The following RABGAP1L variants were observed in gnomAD, a reference collection of about 807,000 sequenced individuals.
RABGAP1L encodes the protein rab GTPase-activating protein 1-like.
In RABGAP1L, 63 loss-of-function variants were observed where a neutral mutation model predicts 137.7. The observed-to-expected ratio is 0.46, with a 90% confidence interval of 0.37 to 0.56. The LOEUF (loss-of-function observed/expected upper bound fraction) is 0.56, where lower values mean the gene tolerates loss of function less well. Among genes scored for constraint, RABGAP1L ranks in the 20% least tolerant of loss-of-function variants. The pLI is 0.00. For synonymous variants in RABGAP1L, 431 were observed against 433.7 expected (o/e 0.99, Z 0.08); for missense variants, 1,095 against 1,244.0 (o/e 0.88, Z 1.80).
At position 174,231,262 on chromosome 1, in the gene RABGAP1L, A is replaced by G. The variant is rs771196194; in HGVS notation, c.449A>G (p.Glu150Gly). The G allele has an allele frequency of 1.2e-6, 2 of 1,614,116 alleles. No homozygotes were observed. The highest frequency in any genetic ancestry group is 1.7e-6 in the Non-Finnish European group (2 of 1,179,978). The change falls in exon 4 of 26, where the codon GAG becomes GGG. Residue 150 changes from glutamate to glycine, a missense_variant. This residue lies in a region of RABGAP1L where 356 missense variants were observed against 326.3 expected (regional missense o/e 1.09). Coordinates refer to ENST00000681986, the MANE Select transcript of RABGAP1L (RefSeq NM_001366446.1). ...MKVSSPRNEVEALRAMATMKS... is the reference protein window; with the variant it reads ...MKVSSPRNEVGALRAMATMKS... ...GTTTCTTCCCCACGTAATGAAGTAGAGGCTTTACGGGCAATGGCAACCATG... is the reference window on the plus strand; with the variant it reads ...GTTTCTTCCCCACGTAATGAAGTAGGGGCTTTACGGGCAATGGCAACCATG...
At chr1:174,966,696 C>T (rs1422949177) in intron 20 of RABGAP1L, among the ~76,000 whole-genome samples, 1 of 152,154 alleles carries the variant, frequency 6.6e-6, no homozygotes, top group African/African-American at 2.4e-5. Context: ...GGGGAACAGA[C>T]AGAATCTGAT....
chr1:174,769,457 T>TTG (rs1685940747), intron 18 of RABGAP1L, among the ~76,000 whole-genome samples: 1 of 152,190 alleles, frequency 6.6e-6, no homozygotes, highest in African/African-American at 2.4e-5. Context: ...GTTGCATATC[T>TTG]TGTGACCTCC....
Position 174,930,330 on chromosome 1 carries a change from C to CTT in RABGAP1L, c.2341-27114_2341-27113dup, listed in dbSNP as rs893570655. Among the ~76,000 whole-genome samples the CTT allele has an allele frequency of 1.3e-4, 18 of 139,494 alleles. No homozygotes were observed. The East Asian group carries it at 1.5e-3, about 11-fold the overall frequency. 91.5% of individuals were successfully genotyped at this position (139,494 alleles called of 152,430 possible). Reference sequence around the variant, plus strand: ...ATACCACCACACCTAGATCAAACTTCTTTTTTTTTTTTTTGAGACAGGATC... The same window carrying CTT: ...ATACCACCACACCTAGATCAAACTTCTTTTTTTTTTTTTTTTGAGACAGGATC... On this transcript the variant is annotated intron_variant, in intron 19 of 25. Coordinates refer to ENST00000681986, the MANE Select transcript of RABGAP1L (RefSeq NM_001366446.1).
intron 19 of RABGAP1L, among the ~76,000 whole-genome samples, chr1:174,865,321 A>G (rs779109523): frequency 1.4e-4 from 22 of 152,166 alleles, no homozygotes; most frequent in Admixed American, 3.9e-4. Context: ...AGCGTGGGTG[A>G]CAGAACAAGA....
At chr1:174,729,639 C>T (rs1357744673) in intron 17 of RABGAP1L, among the ~76,000 whole-genome samples, 1 of 151,870 alleles carries the variant, frequency 6.6e-6, no homozygotes, top group Non-Finnish European at 1.5e-5. Context: ...AACAAATAAC[C>T]CCATTTAAAA....
intron 19 of RABGAP1L, among the ~76,000 whole-genome samples, chr1:174,933,568 C>G (rs1364097687): frequency 6.6e-6 from 1 of 152,128 alleles, no homozygotes; most frequent in Non-Finnish European, 1.5e-5. Flanking sequence ...TCTCTAGACT[C>G]AGAACATCAG....
intron 19 of RABGAP1L, among the ~76,000 whole-genome samples, chr1:174,898,913 T>C (rs1309016512): frequency 6.6e-6 from 1 of 152,212 alleles, no homozygotes; most frequent in Non-Finnish European, 1.5e-5. Flanking sequence ...AAGATTGATA[T>C]TAAACACATA....
At chr1:174,567,302 T>A (rs1483568867) in intron 13 of RABGAP1L, among the ~76,000 whole-genome samples, 1 of 152,192 alleles carries the variant, frequency 6.6e-6, no homozygotes, top group African/African-American at 2.4e-5. Context: ...CTTATTTCAC[T>A]AAGCATAATG....
Position 174,394,000 on chromosome 1 carries a change from G to C in RABGAP1L, c.1565G>C (p.Ser522Thr), listed in dbSNP as rs766964292. 1.9e-6 allele frequency: 3 copies of C among 1,612,406 alleles called. No homozygotes were observed. Among genetic ancestry groups the C allele is most frequent in the Non-Finnish European group, 2.5e-6 (3 of 1,179,390 alleles). ...TTATTTTCTTGTCTTCTCAGGCACA[G>C]TAACCTTGGTGCACGACCGAAAGGG... The part of the protein sequence containing the change: ...SWGELLGKWH[S>T]NLGARPKGLS... The change falls in exon 13 of 26, where the codon AGT becomes ACT. Residue 522 changes from serine to threonine, a missense_variant. By Grantham distance (58) the Ser-to-Thr change is moderately conservative. This residue lies in a region of RABGAP1L where 315 missense variants were observed against 324.8 expected (regional missense o/e 0.97). Coordinates refer to ENST00000681986, the MANE Select transcript of RABGAP1L (RefSeq NM_001366446.1).
chr1:174,215,613 A>G (rs1027193690), intron 1 of RABGAP1L, among the ~76,000 whole-genome samples: 3 of 152,244 alleles, frequency 2.0e-5, no homozygotes, highest in Non-Finnish European at 2.9e-5. Flanking sequence ...AATCAAAACT[A>G]CAATGAGATA....
At chr1:174,357,353 C>T (rs910066351) in intron 11 of RABGAP1L, among the ~76,000 whole-genome samples, 4 of 152,106 alleles carry the variant, frequency 2.6e-5, no homozygotes, top group Non-Finnish European at 4.4e-5. Flanking sequence ...GTCTTTGTCT[C>T]TCTATTGTTT....
chr1:174,326,456 C>T (rs1258151587), intron 11 of RABGAP1L, among the ~76,000 whole-genome samples: 1 of 151,974 alleles, frequency 6.6e-6, no homozygotes, highest in Non-Finnish European at 1.5e-5. Flanking sequence ...ATTCATCAAG[C>T]AGACGAAAAA....
At chr1:174,254,864 T>A (rs1490197640) in intron 7 of RABGAP1L, among the ~76,000 whole-genome samples, 1 of 152,178 alleles carries the variant, frequency 6.6e-6, no homozygotes, top group Non-Finnish European at 1.5e-5. Flanking sequence ...GTAATGGGAT[T>A]GCTGGGTCAA....
intron 13 of RABGAP1L, chr1:174,548,227 G>C: frequency 1.4e-6 from 2 of 1,415,300 alleles, no homozygotes; most frequent in East Asian, 5.0e-5. Flanking sequence ...ATAATCTACA[G>C]AATTGAAGCC....
At chr1:174,352,679 A>C (rs1301063380) in intron 11 of RABGAP1L, among the ~76,000 whole-genome samples, 1 of 152,256 alleles carries the variant, frequency 6.6e-6, no homozygotes, top group African/African-American at 2.4e-5. Context: ...TATTTATTGT[A>C]GTCTTCAAGT....
At chr1:174,575,089 C>G (rs1215485300) in intron 13 of RABGAP1L, among the ~76,000 whole-genome samples, 1 of 152,162 alleles carries the variant, frequency 6.6e-6, no homozygotes, top group Non-Finnish European at 1.5e-5. Flanking sequence ...CGCCACCACA[C>G]CTGGCTAATT....
At chr1:174,342,504 C>G (rs1238987065) in intron 11 of RABGAP1L, among the ~76,000 whole-genome samples, 1 of 152,082 alleles carries the variant, frequency 6.6e-6, no homozygotes, top group African/African-American at 2.4e-5. Context: ...ATTAACAAAA[C>G]TGTAAAAATC....
intron 1 of RABGAP1L, among the ~76,000 whole-genome samples, chr1:174,167,658 C>G (rs551962250): frequency 3.3e-5 from 5 of 152,238 alleles, no homozygotes; most frequent in Admixed American, 2.6e-4. Context: ...CCCACACATA[C>G]ACCCGTTTAC....
At chr1:174,681,709 TTA>T (rs1678078262) in intron 14 of RABGAP1L, among the ~76,000 whole-genome samples, 1 of 151,884 alleles carries the variant, frequency 6.6e-6, no homozygotes, top group African/African-American at 2.4e-5. Context: ...TCAATAAAGT[TTA>T]TGTTTTTGAG....
Sources: gnomAD v4.1 joint callset for allele counts (sites outside exome capture counted in the v4.1 genomes callset) on GRCh38, gnomAD v4.1.1 for gene constraint, gnomAD v4.1.1 regional missense constraint, MANE v1.5 for transcripts, NCBI Gene and HGNC (gene_info 2026-07-23, HGNC 2026-07-21) for gene names.